NFIB: variants seen among roughly 807,000 people sequenced by gnomAD.
NFIB encodes the protein nuclear factor I B, also known as nuclear factor 1 B-type.
Under a neutral mutation model 61.5 loss-of-function variants are expected in NFIB, and 11 were observed. The observed-to-expected ratio is 0.18, with a 90% confidence interval of 0.11 to 0.30. The LOEUF (loss-of-function observed/expected upper bound fraction) is 0.30. NFIB is among the 10% of genes least tolerant of loss of function. The pLI is 1.00. For missense variants in NFIB, 471 were observed against 608.9 expected (o/e 0.77, Z 2.38); for synonymous variants, 260 against 216.5 (o/e 1.20, Z -1.76).
the NFIB span, among the ~76,000 whole-genome samples, chr9:14,429,242 G>C: frequency 1.3e-5 from 2 of 152,186 alleles, no homozygotes; most frequent in Admixed American, 6.5e-5. Context: ...GAAAGGAAGG[G>C]AAGGGGAGTA....
intron 3 of NFIB, among the ~76,000 whole-genome samples, chr9:14,165,509 T>C (rs975263736): frequency 6.6e-6 from 1 of 152,124 alleles, no homozygotes; most frequent in Admixed American, 6.5e-5. Flanking sequence ...ATCATTACGA[T>C]AGAGGAAAAA....
At chr9:14,203,794 AGGAATATT>A (rs1303554382) in intron 2 of NFIB, among the ~76,000 whole-genome samples, 2 of 152,228 alleles carry the variant, frequency 1.3e-5, no homozygotes, top group Admixed American at 1.3e-4. Flanking sequence ...CTAACTACAA[AGGAATATT>A]GGAATACTAC....
the NFIB span, among the ~76,000 whole-genome samples, chr9:14,438,681 C>A: frequency 6.6e-6 from 1 of 152,162 alleles, no homozygotes; most frequent in Non-Finnish European, 1.5e-5. Flanking sequence ...TCATCTGACA[C>A]AGCCCCCTGG....
chr9:14,174,651 C>G lies in NFIB; in HGVS notation c.616+5076G>C, dbSNP rs925138619. 9.2e-5 allele frequency among the ~76,000 whole-genome samples: 14 copies of G among 151,606 alleles called. No homozygotes were observed. The East Asian group carries it at 2.7e-3, about 30-fold the overall frequency. ...GCACGGTAGCAGGCGCCTGTAATCCCAGCTACTCAGGAGGCTGAGGCAGGA... is the reference window on the plus strand; with the variant it reads ...GCACGGTAGCAGGCGCCTGTAATCCGAGCTACTCAGGAGGCTGAGGCAGGA... On this transcript the variant is annotated intron_variant, in intron 3 of 10. Coordinates refer to ENST00000380953, the MANE Select transcript of NFIB (RefSeq NM_001190737.2).
the NFIB span, among the ~76,000 whole-genome samples, chr9:14,468,520 G>C: frequency 6.6e-5 from 10 of 152,172 alleles, no homozygotes; most frequent in East Asian, 3.9e-4. Flanking sequence ...CATTTGGCTT[G>C]GAGGCTTTAA....
At chr9:14,499,977 A>T in the NFIB span, among the ~76,000 whole-genome samples, 1 of 152,208 alleles carries the variant, frequency 6.6e-6, no homozygotes, top group Admixed American at 6.5e-5. Flanking sequence ...CAGCTGAAAT[A>T]ACAGATACAA....
At chr9:14,424,011 T>C in the NFIB span, among the ~76,000 whole-genome samples, 1 of 152,140 alleles carries the variant, frequency 6.6e-6, no homozygotes, top group African/African-American at 2.4e-5. Flanking sequence ...ATCTCTCGCT[T>C]TTTTGGCAAG....
At chr9:14,096,299 G>C (rs950257387) in intron 10 of NFIB, 12 of 152,154 alleles carry the variant, frequency 7.9e-5, no homozygotes, top group African/African-American at 2.7e-4. Flanking sequence ...TCCCTCTCCA[G>C]TAGCGCTGCC....
chr9:14,289,544 G>T (rs58936683), intron 2 of NFIB, among the ~76,000 whole-genome samples: 12,456 of 150,758 alleles, frequency 0.083, 714 homozygotes, highest in East Asian at 0.22. Context: ...ATACCATATA[G>T]ATATAGATAG....
the NFIB span, among the ~76,000 whole-genome samples, chr9:14,489,102 A>G: frequency 6.6e-6 from 1 of 152,228 alleles, no homozygotes; most frequent in Non-Finnish European, 1.5e-5. Context: ...AGCGGAAAGA[A>G]TACTCCATTT....
chr9:14,153,161 T>C (rs972734125), intron 4 of NFIB, among the ~76,000 whole-genome samples: 1 of 152,158 alleles, frequency 6.6e-6, no homozygotes, highest in South Asian at 2.1e-4. Flanking sequence ...ACACATATTA[T>C]GTTTTAATTT....
chr9:14,369,631 T>C (rs2061337052), intron 1 of NFIB, among the ~76,000 whole-genome samples: 1 of 152,170 alleles, frequency 6.6e-6, no homozygotes, highest in African/African-American at 2.4e-5. Context: ...TAGATGGCAT[T>C]TCCATATATC....
chr9:14,207,351 A>G (rs2049848078), intron 2 of NFIB, among the ~76,000 whole-genome samples: 1 of 152,220 alleles, frequency 6.6e-6, no homozygotes, highest in Non-Finnish European at 1.5e-5. Flanking sequence ...AATTTTTTCT[A>G]ATTTTTGACA....
Position 14,120,297 on chromosome 9 carries a change from T to G in NFIB, c.1245+143A>C. On this transcript the variant is annotated intron_variant, in intron 8 of 10. Coordinates refer to ENST00000380953, the MANE Select transcript of NFIB (RefSeq NM_001190737.2). This position sits in a 1 kb window ranked among gnomAD's most constrained non-coding sequence, Gnocchi z 4.4. ...TCAGCCACCTTTAAATAAAAACTTA[T>G]TGAGTCACCAAGCAACTTCCTGAAG... 2 of 859,396 alleles carry G rather than the reference T, an allele frequency of 2.3e-6. No homozygotes were observed. The highest frequency in any genetic ancestry group is 5.1e-5 in the East Asian group (2 of 39,292). 53.2% of individuals were successfully genotyped at this position (859,396 alleles called of 1,614,324 possible).
At chr9:14,398,931 T>C in exon 1 of NFIB, 1 of 303,900 alleles carries the variant, frequency 3.3e-6, no homozygotes, top group Non-Finnish European at 6.0e-6. Flanking sequence ...AGTGATATTC[T>C]ATGAAGTCAT....
At chr9:14,192,484 C>T (rs2048054776) in intron 2 of NFIB, among the ~76,000 whole-genome samples, 4 of 152,142 alleles carry the variant, frequency 2.6e-5, no homozygotes, top group African/African-American at 9.7e-5. Context: ...CCATCCTGAA[C>T]TCTGTTTCTG....
In NFIB at chr9:14,086,340, T is replaced by C; in HGVS notation, c.*1969A>G. 4.5e-6 allele frequency: 1 copy of C among 221,756 alleles called. No homozygotes were observed. Among genetic ancestry groups the C allele is most frequent in the Middle Eastern group, 1.4e-3 (1 of 716 alleles). 13.7% of individuals were successfully genotyped at this position (221,756 alleles called of 1,614,324 possible). A position where few individuals can be genotyped will look rare whatever the true frequency, so the allele number is the denominator to read the frequency against. ...CACTGCAAAAATAGCAGTACCCACT[T>C]TGGTCAATTAAAACAAACAAACAAA... On this transcript the variant is annotated 3_prime_UTR_variant, in exon 11 of 11. Transcript: ENST00000380953.
the NFIB span, among the ~76,000 whole-genome samples, chr9:14,436,006 G>A: frequency 6.6e-6 from 1 of 152,238 alleles, no homozygotes; most frequent in East Asian, 1.9e-4. Context: ...AATCTTAGTG[G>A]CTTGGAATAA....
At chr9:14,358,469 G>C (rs781374167) in intron 1 of NFIB, among the ~76,000 whole-genome samples, 1 of 152,074 alleles carries the variant, frequency 6.6e-6, no homozygotes, top group African/African-American at 2.4e-5. Context: ...TTGCAGGTAC[G>C]TGCATACCCA....
Sources: allele counts gnomAD v4.1 joint callset (sites outside exome capture counted in the v4.1 genomes callset), GRCh38; gene constraint gnomAD v4.1.1; non-coding constraint Gnocchi (gnomAD v3.1); transcripts MANE v1.5; gene names NCBI Gene and HGNC (gene_info 2026-07-23, HGNC 2026-07-21).